NMD3: variants seen among roughly 807,000 people sequenced by gnomAD.
NMD3 encodes 60S ribosomal export protein NMD3.
A neutral mutation model predicts 73.1 loss-of-function variants in NMD3; 47 were observed. The ratio of observed to expected loss-of-function variants is 0.64; its 90% confidence interval spans 0.51 to 0.82. The LOEUF is 0.82. Ranked by LOEUF, NMD3 falls within the 40% of genes least tolerant of loss-of-function variation. The pLI is 0.00. For synonymous variants in NMD3, 210 were observed against 194.5 expected, an observed-to-expected ratio of 1.08 and a Z score of -0.66; for missense variants, 554 against 612.5, an observed-to-expected ratio of 0.90 and a Z score of 1.01.
chr3:161,247,311 CAGAT>C lies in NMD3; in HGVS notation c.1188_1191del (p.Asp396GlufsTer7), dbSNP rs751547126. The C allele has an allele frequency of 6.8e-6, 11 of 1,609,424 alleles. No homozygotes were observed. The highest frequency in any genetic ancestry group is 2.2e-5 in the South Asian group (2 of 90,984). On this transcript the variant is annotated frameshift_variant, in exon 13 of 16. Coordinates refer to ENST00000351193, the MANE Select transcript of NMD3 (RefSeq NM_015938.5). LOFTEE classifies it high-confidence loss of function. ...GATGAGCATGTCAACAAAATGAACT[CAGAT>C]AGAGTTCCAGATGTGGTAAGGCTTT...
chr3:161,240,649 C>A (rs1436754437), intron 9 of NMD3, among the ~76,000 whole-genome samples: 2 of 150,806 alleles, frequency 1.3e-5, no homozygotes, highest in South Asian at 4.2e-4. Flanking sequence ...CTCAGCCTCC[C>A]AAGTAGCTAG....
Position 161,250,978 on chromosome 3 carries a change from A to C in NMD3, c.*68A>C. The C allele has an allele frequency of 7.6e-7, 1 of 1,307,284 alleles. No individual in the cohort carries two copies. 81.0% of individuals were successfully genotyped at this position (1,307,284 alleles called of 1,614,324 possible). On this transcript the variant is annotated 3_prime_UTR_variant, in exon 16 of 16. Transcript: ENST00000351193. ...GGACAGAGTTACCTTAAGTGTCTCT[A>C]CTATCTTTGCCTCCAGATTTCAAGA...
rs1172744033 is a variant in NMD3 at position 161,232,591 on chromosome 3, GCAT to G, written c.277-804_277-802del. Among the ~76,000 whole-genome samples the G allele has an allele frequency of 2.0e-5, 3 of 152,148 alleles. No homozygotes were observed. In the East Asian group the frequency reaches 5.8e-4, roughly 29 times the overall value. On this transcript the variant is annotated intron_variant, in intron 4 of 15. Coordinates refer to ENST00000351193, the MANE Select transcript of NMD3 (RefSeq NM_015938.5). ...CCTAGTTGTCTAAGCAAATACTTGA[GCAT>G]CATTCTGGAGTCTGTTCTCTTCCTC...
At chr3:161,224,017 T>C (rs1466861567) in intron 2 of NMD3, among the ~76,000 whole-genome samples, 1 of 152,230 alleles carries the variant, frequency 6.6e-6, no homozygotes, top group Non-Finnish European at 1.5e-5. Flanking sequence ...ATGTTATCTT[T>C]ATGGATAGTG....
intron 4 of NMD3, among the ~76,000 whole-genome samples, chr3:161,230,979 G>T (rs572906844): frequency 6.6e-6 from 1 of 152,274 alleles, no homozygotes; most frequent in South Asian, 2.1e-4. Context: ...AGTGCTGAGG[G>T]TTACTGTTAC....
At position 161,251,762 on chromosome 3, in the gene NMD3, C is replaced by G. The variant is rs1737495560; in HGVS notation, c.*852C>G. On this transcript the variant is annotated 3_prime_UTR_variant, in exon 16 of 16. Transcript: ENST00000351193. ...TCACCATTAAAAAGAATATTAGAAT[C>G]CAGCATGAAGATAATGGCTAATAAA... 6.6e-6 allele frequency: 1 copy of G among 152,058 alleles called. No homozygotes were observed. Among genetic ancestry groups the G allele is most frequent in the Non-Finnish European group, 1.5e-5 (1 of 67,984 alleles). 9.4% of individuals were successfully genotyped at this position (152,058 alleles called of 1,614,324 possible). A position where few individuals can be genotyped will look rare whatever the true frequency, so the allele number is the denominator to read the frequency against.
chr3:161,247,250 C>T lies in NMD3; in HGVS notation c.1131-8C>T. 6.3e-7 allele frequency: 1 copy of T among 1,594,904 alleles called. No homozygotes were observed. The highest frequency in any genetic ancestry group is 8.6e-7 in the Non-Finnish European group (1 of 1,163,070). Reference sequence around the variant, plus strand: ...TGGTCACTAAGTTTTTCATTGTTTACATTTCAGGTTTGATTTGGCCAACTG... The same window carrying T: ...TGGTCACTAAGTTTTTCATTGTTTATATTTCAGGTTTGATTTGGCCAACTG... On this transcript the variant is annotated splice_polypyrimidine_tract_variant and splice_region_variant and intron_variant, in intron 12 of 15. Transcript: ENST00000351193.
At chr3:161,246,735 A>G (rs1737223839) in intron 12 of NMD3, among the ~76,000 whole-genome samples, 1 of 152,150 alleles carries the variant, frequency 6.6e-6, no homozygotes, top group Non-Finnish European at 1.5e-5. Flanking sequence ...GCTTTTGCAG[A>G]TTGGGTCTTT....
At chr3:161,227,621 G>A (rs1359634006) in intron 4 of NMD3, among the ~76,000 whole-genome samples, 1 of 151,408 alleles carries the variant, frequency 6.6e-6, no homozygotes. Flanking sequence ...CTAATTTTTT[G>A]TATTTTTAGT....
intron 4 of NMD3, among the ~76,000 whole-genome samples, chr3:161,232,846 A>G (rs1373880672): frequency 6.8e-6 from 1 of 146,672 alleles, no homozygotes; most frequent in Non-Finnish European, 1.5e-5. Flanking sequence ...CATTCTGGCC[A>G]TTCTTGAGTT....
At chr3:161,233,828 G>C (rs1736634487) in intron 5 of NMD3, among the ~76,000 whole-genome samples, 1 of 152,188 alleles carries the variant, frequency 6.6e-6, no homozygotes. Context: ...TAAGTAGGTT[G>C]AGTATCCCTT....
At position 161,222,193 on chromosome 3, in the gene NMD3, T is replaced by G. The variant is rs867871708; in HGVS notation, c.44+136T>G. The stretch of plus-strand genomic sequence containing the variant: ...TAAATGGGAAAAAATAGAAGTCTTA[T>G]TTCTGTAGAAAATCGAATTAGTTTC... On this transcript the variant is annotated intron_variant, in intron 2 of 15. Coordinates refer to ENST00000351193, the MANE Select transcript of NMD3 (RefSeq NM_015938.5). The G allele has an allele frequency of 9.4e-5, 67 of 714,414 alleles. No homozygotes were observed. In the Middle Eastern group the frequency reaches 1.7e-3, roughly 18 times the overall value. The allele number at this position is 714,414 out of a possible 1,614,324, so 44.3% of individuals were successfully genotyped here.
chr3:161,235,332 G>GA (rs200498371), intron 7 of NMD3, 120 bp downstream of exon 7: 71,218 of 298,756 alleles, frequency 0.24, 2,339 homozygotes, highest in East Asian at 0.31. Context: ...TTTCTGTTAG[G>GA]AAAAAAAAAA....
At chr3:161,221,685 G>A (rs887586039) in intron 1 of NMD3, 5 of 201,538 alleles carry the variant, frequency 2.5e-5, no homozygotes, top group African/African-American at 7.0e-5. Flanking sequence ...CCACAATCCC[G>A]AGCTGACCTC....
At chr3:161,237,946 T>C (rs1346044785) in intron 7 of NMD3, among the ~76,000 whole-genome samples, 167 bp from the exon 8 acceptor site, 1 of 152,212 alleles carries the variant, frequency 6.6e-6, no homozygotes. Context: ...TCTGTCTTTT[T>C]GCCAAAGAAG....
chr3:161,242,358 G>A (rs941900599), intron 10 of NMD3, 150 bp from the exon 11 acceptor site: 1 of 604,504 alleles, frequency 1.7e-6, no homozygotes, highest in Non-Finnish European at 2.8e-6. Flanking sequence ...GTTTATAGGA[G>A]TAATTGATGA....
intron 11 of NMD3, among the ~76,000 whole-genome samples, chr3:161,242,886 T>A (rs1309667340): frequency 6.6e-6 from 1 of 152,172 alleles, no homozygotes; most frequent in Admixed American, 6.5e-5. Flanking sequence ...AAAAATCTTT[T>A]AAATGTTTAT....
chr3:161,252,769 C>A, downstream of NMD3: 1 of 676,070 alleles, frequency 1.5e-6, no homozygotes, highest in Admixed American at 2.2e-5. Flanking sequence ...TTTTTTGTAG[C>A]CAAATCTGCA....
intron 11 of NMD3, among the ~76,000 whole-genome samples, chr3:161,243,092 A>C (rs1252949797): frequency 1.3e-5 from 2 of 152,170 alleles, no homozygotes; most frequent in African/African-American, 2.4e-5. Flanking sequence ...CAGTCTACAC[A>C]GTATTCTGCT....
Sources: allele counts gnomAD v4.1 joint callset (sites outside exome capture counted in the v4.1 genomes callset), GRCh38; gene constraint gnomAD v4.1.1; transcripts MANE v1.5; gene names NCBI Gene and HGNC (gene_info 2026-07-23, HGNC 2026-07-21).